The following BTBD7 variants were observed in gnomAD, a reference collection of about 807,000 sequenced individuals.
BTBD7 encodes BTB domain containing 7, also known as BTB/POZ domain-containing protein 7.
Under a neutral mutation model 99.9 loss-of-function variants are expected in BTBD7, and 38 were observed. That is an observed-to-expected ratio of 0.38 (90% CI 0.29 to 0.50). The LOEUF is 0.50. Among genes scored for constraint, BTBD7 ranks in the 20% least tolerant of loss-of-function variants. BTBD7 has a pLI of 0.93. For missense variants in BTBD7, 1,170 were observed against 1,394.6 expected (o/e 0.84, Z 2.57); for synonymous variants, 520 against 511.4 (o/e 1.02, Z -0.23).
chr14:93,297,446 C>T (rs745947021), intron 1 of BTBD7, among the ~76,000 whole-genome samples: 26 of 152,184 alleles, frequency 1.7e-4, no homozygotes, highest in Non-Finnish European at 3.4e-4. Context: ...CCTCAGCCTC[C>T]TGAGTAGCTG....
chr14:93,331,887 C>CCT (rs1555394564), intron 1 of BTBD7, among the ~76,000 whole-genome samples: 1 of 147,736 alleles, frequency 6.8e-6, no homozygotes, highest in Non-Finnish European at 1.5e-5. Context: ...TCTCCCCCCC[C>CCT]CCAAAAAGGT....
At position 93,240,947 on chromosome 14, in the gene BTBD7, G is replaced by A. The variant is rs1459816679; in HGVS notation, c.*1326C>T. The A allele has an allele frequency of 6.6e-6, 1 of 152,514 alleles. No individual in the cohort carries two copies. The highest frequency in any genetic ancestry group is 1.5e-5 in the Non-Finnish European group (1 of 68,024). The allele number at this position is 152,514 out of a possible 1,614,324, so 9.4% of individuals were successfully genotyped here. The stretch of plus-strand genomic sequence containing the variant: ...CAACACCAAAATTTAGACATATTTT[G>A]AAAATCGTTTAAAAGAAAACGTATC... On this transcript the variant is annotated 3_prime_UTR_variant, in exon 11 of 11. Coordinates refer to ENST00000334746, the MANE Select transcript of BTBD7 (RefSeq NM_001002860.4).
chr14:93,300,762 GTGTGTGTGTGTATATA>G lies in BTBD7; in HGVS notation c.-106-4621_-106-4606del, dbSNP rs1566857139. Reference sequence around the variant, plus strand: ...TGTGTGTGTGTGTGTGTGTGTGTGTGTGTGTGTGTGTATATATATATATATTTTTTTTTTGTAGAGA... The same window carrying G: ...TGTGTGTGTGTGTGTGTGTGTGTGTGTATATATATTTTTTTTTTGTAGAGA... On this transcript the variant is annotated intron_variant, in intron 1 of 10. Transcript: ENST00000334746. Among the ~76,000 whole-genome samples the G allele has an allele frequency of 9.9e-4, 33 of 33,290 alleles. 2 individuals are homozygous for G. Among genetic ancestry groups the G allele is most frequent in the East Asian group, 4.1e-3 (6 of 1,458 alleles). The allele number at this position is 33,290 out of a possible 152,430, so 21.8% of individuals were successfully genotyped here.
chr14:93,261,218 C>T (rs1308272118), intron 5 of BTBD7, among the ~76,000 whole-genome samples: 4 of 152,228 alleles, frequency 2.6e-5, no homozygotes, highest in Non-Finnish European at 5.9e-5. Flanking sequence ...TTCAGTGGCT[C>T]TTACTATACT....
At chr14:93,270,617 T>G (rs1566843389) in intron 3 of BTBD7, among the ~76,000 whole-genome samples, 1 of 150,552 alleles carries the variant, frequency 6.6e-6, no homozygotes, top group Admixed American at 6.6e-5. Flanking sequence ...ATCACTTGAA[T>G]CCAGGAGGCA....
chr14:93,292,428 T>C (rs2052869333), intron 3 of BTBD7, among the ~76,000 whole-genome samples: 1 of 152,178 alleles, frequency 6.6e-6, no homozygotes, highest in Non-Finnish European at 1.5e-5. Flanking sequence ...TTCCTACAGT[T>C]TGACATCTAA....
At chr14:93,254,569 G>A (rs995434499) in intron 6 of BTBD7, among the ~76,000 whole-genome samples, 21 of 152,118 alleles carry the variant, frequency 1.4e-4, no homozygotes, top group Admixed American at 1.2e-3. Context: ...TTCAACTCCT[G>A]CATTTAACAG....
At chr14:93,295,318 C>T (rs552823603) in intron 2 of BTBD7, among the ~76,000 whole-genome samples, 2 of 152,092 alleles carry the variant, frequency 1.3e-5, no homozygotes, top group Admixed American at 1.3e-4. Context: ...GAGATAGGGT[C>T]TCACTAATGT....
chr14:93,273,066 T>A (rs930540834), intron 3 of BTBD7, among the ~76,000 whole-genome samples: 1 of 152,116 alleles, frequency 6.6e-6, no homozygotes, highest in Non-Finnish European at 1.5e-5. Context: ...GAAAACAAGG[T>A]TCTTGAATGA....
At chr14:93,282,335 CT>C (rs71129622) in intron 3 of BTBD7, among the ~76,000 whole-genome samples, 382 of 139,882 alleles carry the variant, frequency 2.7e-3, no homozygotes, top group Middle Eastern at 3.7e-3. Context: ...ATGCTTTTTT[CT>C]TTTTTTTTTT....
rs1168704579 is a variant in BTBD7, at chr14:93,240,927, C to G, written c.*1346G>C. ...AGAAAGCATTATGCATTACACAACA[C>G]CAAAATTTAGACATATTTTGAAAAT... On this transcript the variant is annotated 3_prime_UTR_variant, in exon 11 of 11. Coordinates refer to ENST00000334746, the MANE Select transcript of BTBD7 (RefSeq NM_001002860.4). The G allele has an allele frequency of 1.3e-5, 2 of 152,592 alleles. No individual in the cohort carries two copies. Among genetic ancestry groups the G allele is most frequent in the Admixed American group, 6.5e-5 (1 of 15,288 alleles). The allele number at this position is 152,592 out of a possible 1,614,324, so 9.5% of individuals were successfully genotyped here.
At chr14:93,259,861 G>C (rs1022184041) in intron 5 of BTBD7, among the ~76,000 whole-genome samples, 1 of 152,142 alleles carries the variant, frequency 6.6e-6, no homozygotes, top group African/African-American at 2.4e-5. Context: ...TTGAACCCGG[G>C]AGGCAGAGGT....
chr14:93,324,661 G>T (rs1235238256), intron 1 of BTBD7, among the ~76,000 whole-genome samples: 1 of 152,152 alleles, frequency 6.6e-6, no homozygotes, highest in Non-Finnish European at 1.5e-5. Flanking sequence ...GGGGCCTTGT[G>T]TTCCCTTGTT....
chr14:93,251,391 C>A, intron 8 of BTBD7, 72 bp downstream of exon 8: 2 of 1,455,236 alleles, frequency 1.4e-6, no homozygotes, highest in Admixed American at 1.9e-5. Context: ...TACAGAGAGG[C>A]TCAAACATCA....
intron 1 of BTBD7, among the ~76,000 whole-genome samples, chr14:93,329,799 T>C (rs960645278): frequency 3.9e-5 from 6 of 152,026 alleles, no homozygotes; most frequent in African/African-American, 1.5e-4. Context: ...TAAGGGAAAA[T>C]GGACAGTTTC....
rs539917491 is a variant in BTBD7 at position 93,331,884 on chromosome 14, C to CCCA, written c.-107+935_-107+936insTGG. Among the ~76,000 whole-genome samples, 99 of 146,978 alleles carry CCCA rather than the reference C, an allele frequency of 6.7e-4. 6 individuals carry two copies. The highest frequency in any genetic ancestry group is 2.5e-3 in the African/African-American group (94 of 37,252). On this transcript the variant is annotated intron_variant, in intron 1 of 10. Coordinates refer to ENST00000334746, the MANE Select transcript of BTBD7 (RefSeq NM_001002860.4). Reference sequence around the variant, plus strand: ...TGACAGAGCGAGACTCCGTCTCCCCCCCCCCAAAAAGGTTGTTAGTTGAAA... The same window carrying CCCA: ...TGACAGAGCGAGACTCCGTCTCCCCCCCACCCCCAAAAAGGTTGTTAGTTGAAA...
Position 93,324,659 on chromosome 14 carries a change from G to C in BTBD7, c.-107+8161C>G, listed in dbSNP as rs562153432. Reference sequence around the variant, plus strand: ...AGCTGTCGGTAGCAATAGGGGCCTTGTGTTCCCTTGTTCACATACAAGAGA... The same window carrying C: ...AGCTGTCGGTAGCAATAGGGGCCTTCTGTTCCCTTGTTCACATACAAGAGA... On this transcript the variant is annotated intron_variant, in intron 1 of 10. Transcript: ENST00000334746. Among the ~76,000 whole-genome samples, 5 of 152,264 alleles carry C rather than the reference G, an allele frequency of 3.3e-5. No individual in the cohort carries two copies. The South Asian group carries it at 1.0e-3, about 32-fold the overall frequency.
In BTBD7 at chr14:93,241,010, CTT is replaced by C. The variant is rs1160591462; in HGVS notation, c.*1261_*1262del. On this transcript the variant is annotated 3_prime_UTR_variant, in exon 11 of 11. Coordinates refer to ENST00000334746, the MANE Select transcript of BTBD7 (RefSeq NM_001002860.4). ...AAATAACATCCATGAGACTGAAGCCCTTTTGTTTTTTTCCCATAGAGAGCAAG... is the reference window on the plus strand; with the variant it reads ...AAATAACATCCATGAGACTGAAGCCCTTGTTTTTTTCCCATAGAGAGCAAG... The C allele has an allele frequency of 2.0e-5, 3 of 152,222 alleles. No homozygotes were observed. Among genetic ancestry groups the C allele is most frequent in the Admixed American group, 2.0e-4 (3 of 15,272 alleles). 9.4% of individuals were successfully genotyped at this position (152,222 alleles called of 1,614,324 possible).
rs17128994 is a variant in BTBD7, at chr14:93,293,628, T to C, written c.1162+230A>G. Among the ~76,000 whole-genome samples the C allele has an allele frequency of 4.5e-3, 690 of 152,298 alleles. 3 individuals are homozygous for C. Among genetic ancestry groups the C allele is most frequent in the African/African-American group, 0.016 (656 of 41,570 alleles). On this transcript the variant is annotated intron_variant, in intron 3 of 10. Transcript: ENST00000334746. ...ATTAGGGAAGAAAGAACCTCAAGTC[T>C]CATTTAATGCTCTGAAGTCATTAGT...
Sources: allele counts gnomAD v4.1 joint callset (sites outside exome capture counted in the v4.1 genomes callset), GRCh38; gene constraint gnomAD v4.1.1; transcripts MANE v1.5; gene names NCBI Gene and HGNC (gene_info 2026-07-23, HGNC 2026-07-21).